The following USP2 variants were observed in gnomAD, a reference collection of about 807,000 sequenced individuals.
USP2 encodes the protein ubiquitin carboxyl-terminal hydrolase 2.
A neutral mutation model predicts 72.0 loss-of-function variants in USP2; 33 were observed. The observed-to-expected ratio is 0.46, with a 90% CI of 0.35 to 0.61. USP2 has a LOEUF of 0.61. Among genes scored for constraint, USP2 ranks in the 20% least tolerant of loss-of-function variants. USP2 has a pLI of 0.01. For missense variants in USP2, 691 were observed against 797.8 expected (o/e 0.87, Z 1.61); for synonymous variants, 296 against 312.5 (o/e 0.95, Z 0.56).
chr11:119,375,987 C>T (rs1230579666), intron 1 of USP2, among the ~76,000 whole-genome samples: 1 of 152,166 alleles, frequency 6.6e-6, no homozygotes, highest in African/African-American at 2.4e-5. Flanking sequence ...CAGGTGATTG[C>T]CAGACCCCTC....
At chr11:119,362,870 CAG>C (rs1203845812) in intron 2 of USP2, among the ~76,000 whole-genome samples, 1 of 152,246 alleles carries the variant, frequency 6.6e-6, no homozygotes, top group Non-Finnish European at 1.5e-5. Flanking sequence ...AGTTTTGACT[CAG>C]TATCAAGCAC....
intron 1 of USP2, chr11:119,376,171 C>A: frequency 1.0e-6 from 1 of 985,536 alleles, no homozygotes; most frequent in Non-Finnish European, 1.2e-6. Flanking sequence ...TCTCAAAGGT[C>A]CTAGCACCTT....
chr11:119,359,694 C>G (rs200223935), intron 3 of USP2, 34 bp from the exon 4 acceptor site: 4 of 1,607,754 alleles, frequency 2.5e-6, no homozygotes, highest in Non-Finnish European at 3.4e-6. Flanking sequence ...AGTGGGGAGA[C>G]GAGAGTCCCA....
Position 119,373,507 on chromosome 11 carries a change from T to C in USP2, c.-27A>G. On this transcript the variant is annotated 5_prime_UTR_variant, in exon 2 of 13. Coordinates refer to ENST00000260187, the MANE Select transcript of USP2 (RefSeq NM_004205.5). ...CTTCAGGGTGGCACTCAGTGGGGAC[T>C]GGGAGCCTCATGGGCTGAAAGACAA... The C allele has an allele frequency of 6.5e-7, 1 of 1,543,866 alleles. No homozygotes were observed. Among genetic ancestry groups the C allele is most frequent in the South Asian group, 1.2e-5 (1 of 81,414 alleles).
chr11:119,376,281 G>A (rs1488013613), intron 1 of USP2: 2 of 985,574 alleles, frequency 2.0e-6, no homozygotes, highest in Non-Finnish European at 2.4e-6. Context: ...GCGGGCTGGG[G>A]CCCTGGCCGG....
chr11:119,379,457 T>C (rs1951036359), intron 1 of USP2: 2 of 319,552 alleles, frequency 6.3e-6, no homozygotes, highest in African/African-American at 2.2e-5. Context: ...GAAGAAGCCA[T>C]ACAGTTAGCC....
chr11:119,376,150 C>A (rs560884960), intron 1 of USP2: 2 of 984,572 alleles, frequency 2.0e-6, no homozygotes, highest in African/African-American at 3.5e-5. Flanking sequence ...TCCCGCAACC[C>A]CCAGTTTCAC....
chr11:119,372,659 C>T (rs1371911034), intron 2 of USP2, 48 bp downstream of exon 2: 2 of 1,488,278 alleles, frequency 1.3e-6, no homozygotes, highest in Admixed American at 2.3e-5. Context: ...TGTTCTCCAT[C>T]AGTGGCTGCC....
At chr11:119,374,072 G>C (rs1351011268) in intron 1 of USP2, among the ~76,000 whole-genome samples, 3 of 152,232 alleles carry the variant, frequency 2.0e-5, no homozygotes, top group Non-Finnish European at 4.4e-5. Flanking sequence ...GCTCAGGGGA[G>C]GAAGTAATGG....
At chr11:119,363,644 C>T (rs1950801356) in intron 2 of USP2, among the ~76,000 whole-genome samples, 1 of 151,078 alleles carries the variant, frequency 6.6e-6, no homozygotes, top group African/African-American at 2.4e-5. Flanking sequence ...GGGACTTCCT[C>T]GGACCTCCAC....
At chr11:119,370,928 C>G (rs192313318) in intron 2 of USP2, among the ~76,000 whole-genome samples, 17 of 152,238 alleles carry the variant, frequency 1.1e-4, no homozygotes, top group Admixed American at 1.0e-3. Context: ...TTGGGCCATG[C>G]CTGTGTGGGG....
chr11:119,374,403 G>T (rs1409159705), intron 1 of USP2, among the ~76,000 whole-genome samples: 2 of 152,236 alleles, frequency 1.3e-5, no homozygotes, highest in Non-Finnish European at 2.9e-5. Flanking sequence ...CAGTCCTGCA[G>T]CTGGGGAGGG....
At chr11:119,360,154 TG>T in intron 3 of USP2, 29 bp downstream of exon 3, 1 of 1,611,320 alleles carries the variant, frequency 6.2e-7, no homozygotes, top group East Asian at 2.2e-5. Context: ...GGGGTGGGCC[TG>T]GGGAAGAAGC....
chr11:119,373,546 C>A, intron 1 of USP2, 25 bp from the exon 2 acceptor site: 1 of 1,489,810 alleles, frequency 6.7e-7, no homozygotes, highest in South Asian at 1.4e-5. Context: ...GTGTAGTTGT[C>A]AGAGGGCCCT....
chr11:119,365,929 C>G (rs1331251211), intron 2 of USP2, among the ~76,000 whole-genome samples: 1 of 148,310 alleles, frequency 6.7e-6, no homozygotes, highest in Non-Finnish European at 1.5e-5. Flanking sequence ...GAGGCTTGCT[C>G]TGTCGCCCAG....
At chr11:119,378,877 C>A (rs547893754) in intron 1 of USP2, 4 of 613,714 alleles carry the variant, frequency 6.5e-6, no homozygotes, top group Middle Eastern at 7.9e-4. Flanking sequence ...CCGGAGGAGC[C>A]TTTGGTCTTG....
chr11:119,379,978 G>C (rs1418854240), intron 1 of USP2, among the ~76,000 whole-genome samples: 1 of 142,118 alleles, frequency 7.0e-6, no homozygotes, highest in Non-Finnish European at 1.5e-5. Flanking sequence ...GCAGTGGCGC[G>C]ATCTTGGCTC....
chr11:119,358,326 T>TC (rs1245275729), intron 7 of USP2, 74 bp from the exon 8 acceptor site: 3 of 1,417,296 alleles, frequency 2.1e-6, no homozygotes, highest in Admixed American at 3.8e-5. Flanking sequence ...AGCTTTTATT[T>TC]TTTTTTTTGA....
chr11:119,376,001 C>G (rs1279297865), intron 1 of USP2, among the ~76,000 whole-genome samples: 1 of 152,218 alleles, frequency 6.6e-6, no homozygotes, highest in African/African-American at 2.4e-5. Flanking sequence ...ACCCCTCCGC[C>G]TCCTCCTAGC....
Sources: allele counts gnomAD v4.1 joint callset (sites outside exome capture counted in the v4.1 genomes callset), GRCh38; gene constraint gnomAD v4.1.1; transcripts MANE v1.5; gene names NCBI Gene and HGNC (gene_info 2026-07-23, HGNC 2026-07-21).